ABCA9: variants seen among roughly 807,000 people sequenced by gnomAD.
ABCA9 encodes the protein ATP-binding cassette sub-family A member 9.
A neutral mutation model predicts 205.3 loss-of-function variants in ABCA9; 183 were observed. The ratio of observed to expected loss-of-function variants is 0.89; its 90% CI spans 0.79 to 1.01. The LOEUF (loss-of-function observed/expected upper bound fraction) is 1.01. Among genes scored for constraint, ABCA9 ranks in the 50% least tolerant of loss-of-function variants. The probability of loss-of-function intolerance (pLI) is 0.00; values close to 1 mark genes in which losing one functional copy is unlikely to be tolerated. For synonymous variants in ABCA9, 651 were observed against 683.3 expected (o/e 0.95, Z 0.74); for missense variants, 1,805 against 1,912.4 (o/e 0.94, Z 1.05).
At chr17:69,025,700 T>G (rs79066753) in intron 16 of ABCA9, among the ~76,000 whole-genome samples, 1 of 152,162 alleles carries the variant, frequency 6.6e-6, no homozygotes, top group Non-Finnish European at 1.5e-5. Context: ...AATATCTACA[T>G]TGCAATGCAA....
At position 69,017,753 on chromosome 17, in the gene ABCA9, C is replaced by T. The variant is rs766035326; in HGVS notation, c.2804G>A (p.Arg935Gln). The T allele has an allele frequency of 8.1e-6, 13 of 1,613,074 alleles. No homozygotes were observed. The highest frequency in any genetic ancestry group is 3.3e-5 in the South Asian group (3 of 91,026). ...ATCCACTTCTATAGCTATGTTCTGT[C>T]GCCTCAGTGAATGTAAAAAGTTATC... ...TIDNFLHSLR[R>Q]QNIAIEVDAF... The change falls in exon 21 of 39, where the codon CGA becomes CAA. Residue 935 changes from arginine to glutamine, a missense_variant. Arg to Gln is a conservative substitution (Grantham distance 43, BLOSUM62 1). Coordinates refer to ENST00000340001, the MANE Select transcript of ABCA9 (RefSeq NM_080283.4).
At chr17:69,064,117 A>C (rs2072317911), upstream of ABCA9, among the ~76,000 whole-genome samples, 2 of 152,160 alleles carry the variant, frequency 1.3e-5, no homozygotes, top group South Asian at 4.1e-4. Context: ...AGGGAAGGGG[A>C]TGTAAGTCCT....
chr17:68,987,757 TGTTTG>T (rs759976164), intron 31 of ABCA9, among the ~76,000 whole-genome samples: 18 of 88,786 alleles, frequency 2.0e-4, no homozygotes, highest in South Asian at 1.4e-3. Context: ...TTTGTTTGTT[TGTTTG>T]TTTGTTTTTT....
At chr17:69,068,256 G>A in the ABCA9 span, among the ~76,000 whole-genome samples, 1 of 152,100 alleles carries the variant, frequency 6.6e-6, no homozygotes, top group South Asian at 2.1e-4. Flanking sequence ...AGTATTTTAT[G>A]CAAGTTTTCT....
intron 25 of ABCA9, among the ~76,000 whole-genome samples, chr17:68,999,894 T>G (rs1026026316): frequency 3.9e-5 from 6 of 152,214 alleles, no homozygotes; most frequent in Non-Finnish European, 5.9e-5. Context: ...TGAGCATTAT[T>G]TCATGTGTTT....
chr17:68,975,858 A>C lies in ABCA9; in HGVS notation c.*57T>G, dbSNP rs1326849054. 10 of 1,343,076 alleles carry C rather than the reference A, an allele frequency of 7.4e-6. No homozygotes were observed. In the East Asian group the frequency reaches 2.4e-4, roughly 33 times the overall value. 83.2% of individuals were successfully genotyped at this position (1,343,076 alleles called of 1,614,324 possible). A position where few individuals can be genotyped will look rare whatever the true frequency, so the allele number is the denominator to read the frequency against. ...TGATATAAGGCATATTAAGGCTATA[A>C]AATATTATCTTTAAAAGAGTCACAG... On this transcript the variant is annotated 3_prime_UTR_variant, in exon 39 of 39. Transcript: ENST00000340001.
chr17:69,077,523 T>C, the ABCA9 span, among the ~76,000 whole-genome samples: 26 of 152,304 alleles, frequency 1.7e-4, no homozygotes, highest in South Asian at 4.1e-4. Flanking sequence ...TTAGGTCCAA[T>C]TGGTCAAGTG....
At chr17:68,987,745 TGTTTGTTTG>T (rs796308511) in intron 31 of ABCA9, among the ~76,000 whole-genome samples, 2 of 92,370 alleles carry the variant, frequency 2.2e-5, no homozygotes, top group Non-Finnish European at 3.1e-5. Flanking sequence ...CGTTTTTTTT[TGTTTGTTTG>T]TTTGTTTGTT....
rs922773385 is a variant in ABCA9, at chr17:68,975,292, T to TAAAC, written c.*619_*622dup. On this transcript the variant is annotated 3_prime_UTR_variant, in exon 39 of 39. Coordinates refer to ENST00000340001, the MANE Select transcript of ABCA9 (RefSeq NM_080283.4). ...GGTTGGTTCCAAGTCTTTGCTATTG[T>TAAAC]AAACAGTGCTGCAATAAACATACGT... is the stretch of plus-strand genomic sequence containing the variant. 1.9e-4 allele frequency: 29 copies of TAAAC among 152,472 alleles called. No individual in the cohort carries two copies. Among genetic ancestry groups the TAAAC allele is most frequent in the African/African-American group, 6.5e-4 (27 of 41,572 alleles). The allele number at this position is 152,472 out of a possible 1,614,324, so 9.4% of individuals were successfully genotyped here. A position where few individuals can be genotyped will look rare whatever the true frequency, so the allele number is the denominator to read the frequency against.
intron 6 of ABCA9, among the ~76,000 whole-genome samples, chr17:69,036,135 G>A (rs1457239414): frequency 1.3e-5 from 2 of 152,076 alleles, no homozygotes; most frequent in South Asian, 4.1e-4. Flanking sequence ...TAAGGTTATT[G>A]TATAAATAAT....
At chr17:69,061,350 A>T (rs544720017), upstream of ABCA9, among the ~76,000 whole-genome samples, 20 of 151,904 alleles carry the variant, frequency 1.3e-4, no homozygotes, top group African/African-American at 2.7e-4. Flanking sequence ...ATATATATAT[A>T]TTTTAAGTGA....
chr17:69,002,296 C>G (rs1424670038), intron 25 of ABCA9, among the ~76,000 whole-genome samples: 1 of 118,322 alleles, frequency 8.5e-6, no homozygotes, highest in African/African-American at 3.4e-5. Context: ...TTGAATGCGT[C>G]CCAGAGATTC....
chr17:69,015,961 A>G (rs1367937037), intron 22 of ABCA9, among the ~76,000 whole-genome samples: 1 of 114,516 alleles, frequency 8.7e-6, no homozygotes, highest in African/African-American at 3.7e-5. Context: ...TGTGTGGTCA[A>G]TTCTAAATTG....
At chr17:69,060,828 T>C (rs552535115) in intron 1 of ABCA9, 38 bp downstream of exon 1, 1 of 978,016 alleles carries the variant, frequency 1.0e-6, no homozygotes, top group South Asian at 4.7e-5. Flanking sequence ...GTTATATTTC[T>C]ATATGCAAAA....
intron 18 of ABCA9, 135 bp downstream of exon 18, chr17:69,021,607 A>C (rs1166390600): frequency 1.7e-6 from 1 of 576,264 alleles, no homozygotes; most frequent in Non-Finnish European, 2.9e-6. Context: ...CACCAACAAA[A>C]GTATATAATC....
chr17:69,066,520 C>T, the ABCA9 span, among the ~76,000 whole-genome samples: 2 of 151,084 alleles, frequency 1.3e-5, no homozygotes, highest in African/African-American at 4.9e-5. Flanking sequence ...AGGAGGAGAA[C>T]GCTGAACACG....
chr17:69,046,419 T>C (rs1182558112), intron 3 of ABCA9, among the ~76,000 whole-genome samples: 1 of 152,170 alleles, frequency 6.6e-6, no homozygotes, highest in Non-Finnish European at 1.5e-5. Context: ...CGATAGGTGT[T>C]GATGTGTTGT....
Position 69,008,102 on chromosome 17 carries a change from G to A in ABCA9, c.3281C>T (p.Pro1094Leu), listed in dbSNP as rs960394974. ...TTGAATTATAAATATAATCTCCTCT[G>A]GGCTAAAAATATAATCCATTATTTG... ...LMQIMDYIFS[P>L]EEIIFIIQNL... Residue 1094 changes from proline to leucine, a missense_variant, in exon 24 of 39, where the codon CCA (proline) becomes CTA (leucine). Physicochemically the swap from Pro to Leu is moderately conservative, Grantham distance 98. Coordinates refer to ENST00000340001, the MANE Select transcript of ABCA9 (RefSeq NM_080283.4). 1.9e-6 allele frequency: 3 copies of A among 1,612,666 alleles called. No individual in the cohort carries two copies. In the African/African-American group the frequency reaches 4.0e-5, roughly 22 times the overall value.
chr17:68,984,157 G>C lies in ABCA9; in HGVS notation c.4398C>G (p.Thr1466=), dbSNP rs141283978. The change falls in exon 35 of 39, where the codon ACC becomes ACG. Residue 1466 remains threonine (T), a synonymous_variant. Coordinates refer to ENST00000340001, the MANE Select transcript of ABCA9 (RefSeq NM_080283.4). ...QQQMWQVIRA[T]FRNTERGALL... ...GGGCGCCCCTCTCCGTGTTTCTAAAGGTGGCCCGAATCACCTGCCTAAAGT... is the reference window on the plus strand; with the variant it reads ...GGGCGCCCCTCTCCGTGTTTCTAAACGTGGCCCGAATCACCTGCCTAAAGT... The C allele has an allele frequency of 3.1e-6, 5 of 1,614,152 alleles. No individual in the cohort carries two copies. In the East Asian group the frequency reaches 1.1e-4, roughly 36 times the overall value.
Sources: allele counts gnomAD v4.1 joint callset (sites outside exome capture counted in the v4.1 genomes callset), GRCh38; gene constraint gnomAD v4.1.1; transcripts MANE v1.5; gene names NCBI Gene and HGNC (gene_info 2026-07-23, HGNC 2026-07-21).